ANO3: variants seen among roughly 807,000 people sequenced by gnomAD.
ANO3 encodes the protein anoctamin-3.
Under a neutral mutation model 144.8 loss-of-function variants are expected in ANO3, and 99 were observed. The observed-to-expected ratio is 0.68, with a 90% confidence interval of 0.58 to 0.81. The LOEUF is 0.81. Among genes scored for constraint, ANO3 ranks in the 30% least tolerant of loss-of-function variants. ANO3 has a pLI of 0.00. For missense variants in ANO3, 905 were observed against 1,202.2 expected, an observed-to-expected ratio of 0.75 and a Z score of 3.66; for synonymous variants, 414 against 392.6, an observed-to-expected ratio of 1.05 and a Z score of -0.64.
chr11:26,217,445 TG>T (rs113042707), intron 1 of ANO3, among the ~76,000 whole-genome samples: 10,099 of 94,926 alleles, frequency 0.11, 357 homozygotes, highest in Non-Finnish European at 0.14. Context: ...GCCTTTGTCA[TG>T]TAATGTGATT....
At chr11:26,440,325 CAT>C (rs1180275162) in intron 1 of ANO3, among the ~76,000 whole-genome samples, 2 of 151,990 alleles carry the variant, frequency 1.3e-5, no homozygotes, top group African/African-American at 4.8e-5. Context: ...TTATTTGGCT[CAT>C]GTGTCATAGA....
intron 1 of ANO3, among the ~76,000 whole-genome samples, chr11:26,243,157 A>G (rs1852697789): frequency 6.6e-6 from 1 of 152,126 alleles, no homozygotes; most frequent in Non-Finnish European, 1.5e-5. Context: ...TGGCCAGTGA[A>G]ATCTCTAAGC....
At chr11:26,206,516 GAA>G (rs1444571645) in intron 1 of ANO3, among the ~76,000 whole-genome samples, 1 of 151,974 alleles carries the variant, frequency 6.6e-6, no homozygotes, top group African/African-American at 2.4e-5. Flanking sequence ...TATCTTCAAG[GAA>G]AAGACAAGGT....
chr11:26,408,321 A>G (rs574295828), intron 1 of ANO3, among the ~76,000 whole-genome samples: 75 of 152,014 alleles, frequency 4.9e-4, no homozygotes, highest in African/African-American at 1.7e-3. Context: ...GAAGGATATG[A>G]ACAGACACTT....
At chr11:26,542,146 T>C (rs1849662832) in intron 11 of ANO3, 78 bp downstream of exon 11, 1 of 1,488,180 alleles carries the variant, frequency 6.7e-7, no homozygotes, top group Non-Finnish European at 9.0e-7. Flanking sequence ...TTATTTATTG[T>C]GCTCACCAGT....
chr11:26,544,901 G>T (rs1416420924), intron 11 of ANO3, among the ~76,000 whole-genome samples: 1 of 151,790 alleles, frequency 6.6e-6, no homozygotes, highest in Non-Finnish European at 1.5e-5. Flanking sequence ...TTACCTTTAA[G>T]TGGCTAAGAG....
At chr11:26,512,180 C>G (rs144246741) in intron 5 of ANO3, among the ~76,000 whole-genome samples, 193 of 152,312 alleles carry the variant, frequency 1.3e-3, no homozygotes, top group African/African-American at 4.5e-3. Flanking sequence ...GACTTGAATG[C>G]TATGAGCTAT....
At position 26,278,220 on chromosome 11, in the gene ANO3, C is replaced by A. The variant is rs76564632; in HGVS notation, c.155-31425C>A. 3.3e-3 allele frequency among the ~76,000 whole-genome samples: 504 copies of A among 152,214 alleles called. 1 individual carries two copies. Among genetic ancestry groups the A allele is most frequent in the African/African-American group, 0.012 (484 of 41,522 alleles). Reference sequence around the variant, plus strand: ...GAGCATCATATTCTTCTGGCATTGGCAATTAACTCTAGGATGAACAACATG... The same window carrying A: ...GAGCATCATATTCTTCTGGCATTGGAAATTAACTCTAGGATGAACAACATG... On this transcript the variant is annotated intron_variant, in intron 1 of 27. Transcript: ENST00000672621.
At chr11:26,610,721 G>GT (rs1220622513) in intron 17 of ANO3, among the ~76,000 whole-genome samples, 1 of 151,958 alleles carries the variant, frequency 6.6e-6, no homozygotes, top group African/African-American at 2.4e-5. Flanking sequence ...AGATAGTGTT[G>GT]TTTTTTGTTT....
rs1356925939 is a variant in ANO3 at position 26,448,891 on chromosome 11, T to TC, written c.313+5055_313+5056insC. Among the ~76,000 whole-genome samples the TC allele has an allele frequency of 8.3e-3, 1,263 of 152,306 alleles. 17 individuals carry two copies. The highest frequency in any genetic ancestry group is 0.029 in the African/African-American group (1,190 of 41,564). ...CGTCTGCTACCTTCTGTTGGTACGC[T>TC]GGTACAATAACTTCCGAACAGATCT... On this transcript the variant is annotated intron_variant, in intron 3 of 26. Coordinates refer to ENST00000256737, the MANE Select transcript of ANO3 (RefSeq NM_031418.4).
At chr11:26,209,612 A>G (rs1851889654) in intron 1 of ANO3, among the ~76,000 whole-genome samples, 1 of 152,220 alleles carries the variant, frequency 6.6e-6, no homozygotes, top group African/African-American at 2.4e-5. Context: ...TCCTATCAAC[A>G]GTGTAAAAGC....
At chr11:26,609,954 C>G (rs915008703) in intron 17 of ANO3, among the ~76,000 whole-genome samples, 1 of 152,188 alleles carries the variant, frequency 6.6e-6, no homozygotes, top group African/African-American at 2.4e-5. Flanking sequence ...TCTTGTTGCC[C>G]AGGCTGGACT....
chr11:26,601,648 A>C (rs989208147), intron 17 of ANO3, among the ~76,000 whole-genome samples: 1 of 152,242 alleles, frequency 6.6e-6, no homozygotes, highest in Non-Finnish European at 1.5e-5. Context: ...CATTTTCAGC[A>C]CAGACACTGT....
chr11:26,288,069 A>G (rs577388691), intron 1 of ANO3: 1 of 152,662 alleles, frequency 6.6e-6, no homozygotes, highest in East Asian at 1.9e-4. Flanking sequence ...ATGTCAAAAA[A>G]TTAATCAAAT....
intron 1 of ANO3, among the ~76,000 whole-genome samples, chr11:26,338,465 A>C (rs1308317757): frequency 6.6e-6 from 1 of 151,970 alleles, no homozygotes; most frequent in Non-Finnish European, 1.5e-5. Flanking sequence ...TGTAAAATGG[A>C]CCAATCAGCA....
intron 24 of ANO3, among the ~76,000 whole-genome samples, chr11:26,649,343 G>A (rs993678423): frequency 5.9e-5 from 9 of 152,142 alleles, no homozygotes; most frequent in African/African-American, 2.2e-4. Context: ...TATAGAATGA[G>A]TAAATATTAA....
chr11:26,455,740 A>G (rs1859128123), intron 3 of ANO3, among the ~76,000 whole-genome samples: 2 of 151,266 alleles, frequency 1.3e-5, no homozygotes, highest in Non-Finnish European at 1.5e-5. Context: ...GTTCATATTG[A>G]ACCAAAAAAG....
chr11:26,649,506 A>C (rs1378210555), intron 24 of ANO3, among the ~76,000 whole-genome samples: 1 of 152,192 alleles, frequency 6.6e-6, no homozygotes, highest in Non-Finnish European at 1.5e-5. Flanking sequence ...TGGGAGGCCT[A>C]GGTGGGCAGA....
chr11:26,415,253 G>A (rs545865421), intron 1 of ANO3, among the ~76,000 whole-genome samples: 22 of 151,974 alleles, frequency 1.4e-4, no homozygotes, highest in Non-Finnish European at 2.8e-4. Flanking sequence ...AGAAGACAGT[G>A]TGTTCTTCTA....
Sources: allele counts gnomAD v4.1 joint callset (sites outside exome capture counted in the v4.1 genomes callset), GRCh38; gene constraint gnomAD v4.1.1; transcripts MANE v1.5; gene names NCBI Gene and HGNC (gene_info 2026-07-23, HGNC 2026-07-21).